The following NAALAD2 variants were observed in gnomAD, a reference collection of about 807,000 sequenced individuals.
NAALAD2 encodes N-acetylated-alpha-linked acidic dipeptidase 2.
NAALAD2 carries 89 observed loss-of-function variants against 95.6 expected under a neutral mutation model. The ratio of observed to expected loss-of-function variants is 0.93; its 90% CI spans 0.78 to 1.11. The LOEUF is 1.11. Among genes scored for constraint, NAALAD2 ranks in the 50% least tolerant of loss-of-function variants. The probability of loss-of-function intolerance (pLI) is 0.00; values close to 1 mark genes in which losing one functional copy is unlikely to be tolerated. For missense variants in NAALAD2, 894 were observed against 872.4 expected, an observed-to-expected ratio of 1.02 and a Z score of -0.31; for synonymous variants, 264 against 294.4, an observed-to-expected ratio of 0.90 and a Z score of 1.06.
At chr11:90,135,461 C>A in intron 1 of NAALAD2, 98 bp from the exon 2 acceptor site, 2 of 666,544 alleles carry the variant, frequency 3.0e-6, no homozygotes, top group South Asian at 3.5e-5. Flanking sequence ...CAGATAAAGG[C>A]TTTTTGGGGG....
At chr11:90,134,661 C>A, upstream of NAALAD2, 1 of 1,221,940 alleles carries the variant, frequency 8.2e-7, no homozygotes, top group Non-Finnish European at 1.2e-6. Context: ...CGGAGGCCAC[C>A]CAGAGCTCAC....
In NAALAD2 at chr11:90,178,094, T is replaced by A; in HGVS notation, c.1835T>A (p.Leu612Ter). 1 of 1,612,578 alleles carries A rather than the reference T, an allele frequency of 6.2e-7. No homozygotes were observed. Among genetic ancestry groups the A allele is most frequent in the South Asian group, 1.1e-5 (1 of 90,646 alleles). The change falls in exon 16 of 19, where the codon TTG becomes TAG. Residue 612 changes from leucine to a stop codon, truncating the protein, a stop_gained. Transcript: ENST00000534061. LOFTEE classifies it high-confidence loss of function. ...CTATCTAAGAAACATGATCAACAATTGACAGACCATGGAGTATCATTTGGT... is the reference window on the plus strand; with the variant it reads ...CTATCTAAGAAACATGATCAACAATAGACAGACCATGGAGTATCATTTGGT... Reference protein sequence around the residue: ...YNLSKKHDQQLTDHGVSFDSL... With the variant: ...YNLSKKHDQQ
chr11:90,192,170 AC>A lies in NAALAD2; in HGVS notation c.*424del. On this transcript the variant is annotated 3_prime_UTR_variant, in exon 19 of 19. Coordinates refer to ENST00000534061, the MANE Select transcript of NAALAD2 (RefSeq NM_005467.4). ...TTCAAGAGAAGGAAAAACAATGATC[AC>A]AGCAATACTTGTATGCATGTTCATT... 1 of 152,540 alleles carries A rather than the reference AC, an allele frequency of 6.6e-6. No homozygotes were observed. The highest frequency in any genetic ancestry group is 6.5e-5 in the Admixed American group (1 of 15,280). 9.4% of individuals were successfully genotyped at this position (152,540 alleles called of 1,614,324 possible). A position where few individuals can be genotyped will look rare whatever the true frequency, so the allele number is the denominator to read the frequency against.
At chr11:90,147,662 G>A in intron 3 of NAALAD2, 146 bp downstream of exon 3, 1 of 728,866 alleles carries the variant, frequency 1.4e-6, no homozygotes, top group Non-Finnish European at 2.2e-6. Flanking sequence ...AAGTCCTGAG[G>A]CCAGAATAAG....
At chr11:90,182,408 G>T (rs1190664562) in intron 17 of NAALAD2, among the ~76,000 whole-genome samples, 2 of 152,006 alleles carry the variant, frequency 1.3e-5, no homozygotes, top group Admixed American at 1.3e-4. Context: ...GGGAGCCCAG[G>T]GAACTTACTC....
At chr11:90,133,159 G>T (rs956753296), upstream of NAALAD2, among the ~76,000 whole-genome samples, 3 of 152,132 alleles carry the variant, frequency 2.0e-5, no homozygotes, top group African/African-American at 7.2e-5. Flanking sequence ...AAAGCTATCA[G>T]GGCTGCAGAC....
Position 90,182,398 on chromosome 11 carries a change from G to C in NAALAD2, c.1941-518G>C, listed in dbSNP as rs540227738. 1.4e-3 allele frequency among the ~76,000 whole-genome samples: 215 copies of C among 152,154 alleles called. 1 individual carries two copies. The highest frequency in any genetic ancestry group is 5.1e-3 in the African/African-American group (211 of 41,508). ...GACCTCATTCTCCTTTGGATTGTAG[G>C]GGAGCCCAGGGAACTTACTCAACTC... On this transcript the variant is annotated intron_variant, in intron 17 of 18. Transcript: ENST00000534061.
At position 90,152,359 on chromosome 11, in the gene NAALAD2, A is replaced by T. The variant is rs769048259; in HGVS notation, c.671A>T (p.Tyr224Phe). Residue 224 changes from tyrosine (Y) to phenylalanine (F), a missense_variant, in exon 6 of 19, where the codon TAC (tyrosine) becomes TTC (phenylalanine). By Grantham distance (22) the Tyr-to-Phe change is conservative (BLOSUM62 3). Transcript: ENST00000534061. ...GIILYSDPAD[Y>F]FAPEVQPYPK... ...ATCTTGTACTCAGATCCAGCTGACT[A>T]CTTTGCTCCTGAGGTACAGCCATAT... is the stretch of plus-strand genomic sequence containing the variant. 1 of 1,613,784 alleles carries T rather than the reference A, an allele frequency of 6.2e-7. No homozygotes were observed. Among genetic ancestry groups the T allele is most frequent in the South Asian group, 1.1e-5 (1 of 91,022 alleles).
chr11:90,149,204 A>C (rs1296997992), intron 4 of NAALAD2, 97 bp downstream of exon 4: 2 of 607,404 alleles, frequency 3.3e-6, no homozygotes, highest in Admixed American at 3.0e-5. Context: ...TAGGTGAATC[A>C]TTCATGCGGG....
intron 18 of NAALAD2, among the ~76,000 whole-genome samples, chr11:90,186,453 AGTCT>A (rs1171146668): frequency 3.3e-5 from 5 of 152,078 alleles, no homozygotes; most frequent in African/African-American, 1.2e-4. Flanking sequence ...GTTGGTTCCA[AGTCT>A]TTGCTATTGT....
chr11:90,155,427 CATGTAAT>C (rs1444318029), intron 6 of NAALAD2, among the ~76,000 whole-genome samples: 33 of 81,804 alleles, frequency 4.0e-4, no homozygotes, highest in African/African-American at 1.8e-3. Flanking sequence ...ACATATTATA[CATGTAAT>C]ATATAATATA....
intron 9 of NAALAD2, 68 bp from the exon 10 acceptor site, chr11:90,163,240 TAA>T: frequency 6.7e-7 from 1 of 1,498,476 alleles, no homozygotes; most frequent in East Asian, 2.3e-5. Context: ...ATGTTTATTT[TAA>T]AAACATAAAT....
In NAALAD2 at chr11:90,163,298, A is replaced by C. The variant is rs759716239; in HGVS notation, c.1076-12A>C. 2 of 1,607,374 alleles carry C rather than the reference A, an allele frequency of 1.2e-6. No homozygotes were observed. The highest frequency in any genetic ancestry group is 4.5e-5 in the East Asian group (2 of 44,864). ...TCAAAGTTGTAGGTTTCTTGAACGTATTATTTTCCAGACAGGTATGTTATT... is the reference window on the plus strand; with the variant it reads ...TCAAAGTTGTAGGTTTCTTGAACGTCTTATTTTCCAGACAGGTATGTTATT... On this transcript the variant is annotated splice_polypyrimidine_tract_variant and intron_variant, in intron 9 of 18. Coordinates refer to ENST00000534061, the MANE Select transcript of NAALAD2 (RefSeq NM_005467.4).
chr11:90,175,951 T>TGTGTGG (rs781486444), intron 14 of NAALAD2, 21 bp from the exon 15 acceptor site: 1 of 1,451,612 alleles, frequency 6.9e-7, no homozygotes, highest in Non-Finnish European at 9.7e-7. Flanking sequence ...TGTGTGTGTG[T>TGTGTGG]GGATTGCATT....
chr11:90,192,116 G>A lies in NAALAD2; in HGVS notation c.*369G>A, dbSNP rs375515826. On this transcript the variant is annotated 3_prime_UTR_variant, in exon 19 of 19. Transcript: ENST00000534061. Reference sequence around the variant, plus strand: ...AGTTAAACATACACTTTTACTTTAGGACTCCAGAATTCCACTTCTAGTTAT... The same window carrying A: ...AGTTAAACATACACTTTTACTTTAGAACTCCAGAATTCCACTTCTAGTTAT... The A allele has an allele frequency of 6.5e-6, 1 of 153,754 alleles. No individual in the cohort carries two copies. The highest frequency in any genetic ancestry group is 6.5e-5 in the Admixed American group (1 of 15,298). The allele number at this position is 153,754 out of a possible 1,614,324, so 9.5% of individuals were successfully genotyped here. A position where few individuals can be genotyped will look rare whatever the true frequency, so the allele number is the denominator to read the frequency against.
chr11:90,143,099 T>A (rs1051749602), intron 2 of NAALAD2, among the ~76,000 whole-genome samples: 3 of 152,146 alleles, frequency 2.0e-5, no homozygotes, highest in African/African-American at 7.2e-5. Context: ...ATATTTTTTC[T>A]TTGAACATGT....
Position 90,150,615 on chromosome 11 carries a change from A to G in NAALAD2, c.609+8A>G. The G allele has an allele frequency of 6.3e-7, 1 of 1,575,452 alleles. No individual in the cohort carries two copies. The highest frequency in any genetic ancestry group is 1.4e-5 in the African/African-American group (1 of 73,870). On this transcript the variant is annotated splice_region_variant and intron_variant, in intron 5 of 18. Coordinates refer to ENST00000534061, the MANE Select transcript of NAALAD2 (RefSeq NM_005467.4). ...ATCTTCAGAGGAAATAAAGTACAGT[A>G]TTATTTGTTTTTCTACAGAGAATGA...
intron 3 of NAALAD2, 36 bp downstream of exon 3, chr11:90,147,552 A>G: frequency 6.4e-7 from 1 of 1,553,548 alleles, no homozygotes; most frequent in Non-Finnish European, 8.7e-7. Context: ...ATATTTTGCA[A>G]TCCGACCGTT....
chr11:90,182,039 G>T (rs1952988282), intron 17 of NAALAD2, among the ~76,000 whole-genome samples: 1 of 151,946 alleles, frequency 6.6e-6, no homozygotes, highest in African/African-American at 2.4e-5. Flanking sequence ...CTGTCATTAG[G>T]AGTCTGCATG....
Sources: allele counts gnomAD v4.1 joint callset (sites outside exome capture counted in the v4.1 genomes callset), GRCh38; gene constraint gnomAD v4.1.1; transcripts MANE v1.5; gene names NCBI Gene and HGNC (gene_info 2026-07-23, HGNC 2026-07-21).